Variants in FHIP1A observed in about 807,000 individuals in gnomAD.
FHIP1A encodes the protein FHF complex subunit HOOK-interacting protein 1A.
Under a neutral mutation model 88.6 loss-of-function variants are expected in FHIP1A, and 61 were observed. The observed-to-expected ratio is 0.69, with a 90% CI of 0.56 to 0.85. The LOEUF (loss-of-function observed/expected upper bound fraction) is 0.85. Ranked by LOEUF, FHIP1A falls within the 40% of genes least tolerant of loss-of-function variation. FHIP1A has a pLI of 0.00. For missense variants in FHIP1A, 1,154 were observed against 1,273.5 expected (o/e 0.91, Z 1.43); for synonymous variants, 478 against 496.0 (o/e 0.96, Z 0.48).
chr4:151,467,091 T>C (rs1391421907), intron 2 of FHIP1A, among the ~76,000 whole-genome samples: 1 of 152,042 alleles, frequency 6.6e-6, no homozygotes. Flanking sequence ...CTGACAAAGG[T>C]CTAATATTCA....
chr4:151,437,750 A>G (rs1187535358), intron 1 of FHIP1A, among the ~76,000 whole-genome samples: 1 of 152,202 alleles, frequency 6.6e-6, no homozygotes, highest in Non-Finnish European at 1.5e-5. Context: ...TGTGACACAT[A>G]GTCAAACCTT....
At chr4:151,629,967 C>T in intron 8 of FHIP1A, 98 bp downstream of exon 8, 1 of 1,031,110 alleles carries the variant, frequency 9.7e-7, no homozygotes, top group Non-Finnish European at 1.4e-6. Context: ...CTTTTGCTCT[C>T]CTTTTTTTTT....
chr4:151,654,452 GA>G (rs1200089868), intron 11 of FHIP1A, among the ~76,000 whole-genome samples: 10 of 151,864 alleles, frequency 6.6e-5, no homozygotes, highest in Non-Finnish European at 2.9e-5. Flanking sequence ...TGGGACTGGG[GA>G]AGAGAAGTTG....
At chr4:151,452,022 C>T (rs1240650230) in intron 1 of FHIP1A, among the ~76,000 whole-genome samples, 4 of 151,976 alleles carry the variant, frequency 2.6e-5, no homozygotes, top group East Asian at 1.9e-4. Context: ...GGTCTCCTTA[C>T]GCTGCCTAGG....
chr4:151,467,372 G>T (rs1000834521), intron 2 of FHIP1A, among the ~76,000 whole-genome samples: 3 of 152,178 alleles, frequency 2.0e-5, no homozygotes, highest in African/African-American at 4.8e-5. Flanking sequence ...TTACACTGTC[G>T]ATGGGAATGC....
intron 7 of FHIP1A, among the ~76,000 whole-genome samples, chr4:151,625,398 C>T (rs1169130686): frequency 6.6e-6 from 1 of 152,150 alleles, no homozygotes; most frequent in Non-Finnish European, 1.5e-5. Flanking sequence ...TCTGTTTGTT[C>T]CAATGTGACT....
chr4:151,508,867 C>T (rs1730924865), intron 3 of FHIP1A, among the ~76,000 whole-genome samples: 2 of 152,176 alleles, frequency 1.3e-5, no homozygotes, highest in Admixed American at 1.3e-4. Flanking sequence ...CCCCAGCCAG[C>T]CCTCCCTAAA....
intron 1 of FHIP1A, among the ~76,000 whole-genome samples, chr4:151,442,908 A>G (rs1466985289): frequency 1.3e-5 from 2 of 152,148 alleles, no homozygotes; most frequent in Non-Finnish European, 2.9e-5. Context: ...ATATTTAAAA[A>G]GTTTTTTATT....
chr4:151,589,063 T>C (rs1207254282), intron 7 of FHIP1A, 137 bp downstream of exon 7: 2 of 663,874 alleles, frequency 3.0e-6, no homozygotes, highest in Non-Finnish European at 5.3e-6. Context: ...TTCTTAGCAA[T>C]ATCAAACACA....
At chr4:151,448,411 G>T (rs1216705300) in intron 1 of FHIP1A, among the ~76,000 whole-genome samples, 1 of 152,090 alleles carries the variant, frequency 6.6e-6, no homozygotes, top group African/African-American at 2.4e-5. Flanking sequence ...TCCATCTCCA[G>T]AAGTGTTTTC....
chr4:151,536,528 A>C (rs1732076538), intron 3 of FHIP1A, among the ~76,000 whole-genome samples: 1 of 152,146 alleles, frequency 6.6e-6, no homozygotes, highest in Non-Finnish European at 1.5e-5. Context: ...TTTTATCGTT[A>C]AAAAATGTTA....
intron 2 of FHIP1A, among the ~76,000 whole-genome samples, chr4:151,462,720 G>A (rs1580594960): frequency 6.6e-6 from 1 of 152,308 alleles, no homozygotes; most frequent in Non-Finnish European, 1.5e-5. Flanking sequence ...TAAGATGGGA[G>A]TTGTGAGCCT....
At chr4:151,659,412 A>G (rs1476862202) in intron 13 of FHIP1A, among the ~76,000 whole-genome samples, 2 of 152,186 alleles carry the variant, frequency 1.3e-5, no homozygotes, top group Non-Finnish European at 2.9e-5. Flanking sequence ...TCTCACTGGG[A>G]TACAGAGCAA....
intron 4 of FHIP1A, among the ~76,000 whole-genome samples, chr4:151,574,887 T>A (rs999413133): frequency 6.0e-5 from 9 of 150,602 alleles, no homozygotes; most frequent in African/African-American, 2.2e-4. Context: ...AATTCTCTTA[T>A]TCTTGACCAT....
At chr4:151,525,987 T>G (rs562079425) in intron 3 of FHIP1A, among the ~76,000 whole-genome samples, 1 of 152,212 alleles carries the variant, frequency 6.6e-6, no homozygotes, top group South Asian at 2.1e-4. Context: ...TTCAAGCATC[T>G]GTTTAACAAA....
Position 151,649,895 on chromosome 4 carries a change from G to A in FHIP1A, c.1854G>A (p.Gln618=). The part of the protein sequence containing the change: ...PAPIDPPKHI[Q]EMKKNALLLF... Reference sequence around the variant, plus strand: ...CCATTGATCCCCCCAAACACATCCAGGAGATGAAGAAGAATGCCCTCCTGC... The same window carrying A: ...CCATTGATCCCCCCAAACACATCCAAGAGATGAAGAAGAATGCCCTCCTGC... Residue 618 remains glutamine (Q), a synonymous_variant, in exon 11 of 14, where the codon CAG becomes CAA. Coordinates refer to ENST00000435205, the MANE Select transcript of FHIP1A (RefSeq NM_001109977.3). 6.4e-7 allele frequency: 1 copy of A among 1,551,558 alleles called. No homozygotes were observed. Among genetic ancestry groups the A allele is most frequent in the South Asian group, 1.2e-5 (1 of 84,044 alleles).
At chr4:151,485,282 G>GTTTTT (rs74327398) in intron 3 of FHIP1A, among the ~76,000 whole-genome samples, 13 of 118,742 alleles carry the variant, frequency 1.1e-4, no homozygotes, top group African/African-American at 1.7e-4. Flanking sequence ...ATCTTTTCCA[G>GTTTTT]TTTTTTTTTT....
chr4:151,512,887 T>C (rs895820536), intron 3 of FHIP1A, among the ~76,000 whole-genome samples: 4 of 152,212 alleles, frequency 2.6e-5, no homozygotes, highest in African/African-American at 9.6e-5. Context: ...TGCAGGATAT[T>C]ATCCAGGAGA....
At chr4:151,622,853 T>C (rs760256713) in intron 7 of FHIP1A, among the ~76,000 whole-genome samples, 35 of 152,142 alleles carry the variant, frequency 2.3e-4, no homozygotes, top group Non-Finnish European at 4.0e-4. Flanking sequence ...ACCTTTCTTA[T>C]GGGTTATTTG....
Sources: allele counts gnomAD v4.1 joint callset (sites outside exome capture counted in the v4.1 genomes callset), GRCh38; gene constraint gnomAD v4.1.1; transcripts MANE v1.5; gene names NCBI Gene and HGNC (gene_info 2026-07-23, HGNC 2026-07-21).